Variants in ZBTB20 observed in about 807,000 individuals in gnomAD.
ZBTB20 encodes zinc finger and BTB domain containing 20, also known as zinc finger and BTB domain-containing protein 20.
Under a neutral mutation model 56.9 loss-of-function variants are expected in ZBTB20, and 9 were observed. That is an observed-to-expected ratio of 0.16 (90% CI 0.10 to 0.28). The LOEUF (loss-of-function observed/expected upper bound fraction) is 0.28, where lower values mean the gene tolerates loss of function less well. Ranked by LOEUF, ZBTB20 falls within the 10% of genes least tolerant of loss-of-function variation. ZBTB20 has a pLI of 1.00. For synonymous variants in ZBTB20, 417 were observed against 420.7 expected, an observed-to-expected ratio of 0.99 and a Z score of 0.11; for missense variants, 655 against 1,003.0, an observed-to-expected ratio of 0.65 and a Z score of 4.69.
chr3:114,588,200 C>T (rs2055379443), intron 6 of ZBTB20, among the ~76,000 whole-genome samples: 1 of 152,196 alleles, frequency 6.6e-6, no homozygotes, highest in Non-Finnish European at 1.5e-5. Context: ...CTGAAACAGT[C>T]TCAACTTCAA....
chr3:114,675,347 G>GTTTTTTTTTTTTTTTT (rs2061571920), intron 6 of ZBTB20, among the ~76,000 whole-genome samples: 1 of 110,148 alleles, frequency 9.1e-6, no homozygotes, highest in Non-Finnish European at 1.7e-5. Flanking sequence ...GCTGGGCCGG[G>GTTTTTTTTTTTTTTTT]GGTGGGGAGG....
At chr3:115,096,777 T>A (rs1560569589) in intron 1 of ZBTB20, among the ~76,000 whole-genome samples, 1 of 152,248 alleles carries the variant, frequency 6.6e-6, no homozygotes, top group Non-Finnish European at 1.5e-5. Context: ...TCTATATTTA[T>A]AGAAAGCCAG....
Position 114,841,617 on chromosome 3 carries a change from G to A in ZBTB20, c.-416-40443C>T, listed in dbSNP as rs1184324007. 2.0e-5 allele frequency among the ~76,000 whole-genome samples: 3 copies of A among 152,180 alleles called. No individual in the cohort carries two copies. The East Asian group carries it at 5.8e-4, about 29-fold the overall frequency. ...AAAAGTACCAGGTGATTGACTGCAT[G>A]TGGAACAGTACAGGATATGGAAAAG... On this transcript the variant is annotated intron_variant, in intron 4 of 11. Coordinates refer to ENST00000675478, the MANE Select transcript of ZBTB20 (RefSeq NM_001348800.3).
At chr3:115,005,901 G>A (rs962590384) in intron 2 of ZBTB20, among the ~76,000 whole-genome samples, 3 of 151,768 alleles carry the variant, frequency 2.0e-5, no homozygotes, top group Non-Finnish European at 4.4e-5. Flanking sequence ...TATGAGGTCT[G>A]TCTCTCCATT....
At chr3:114,782,626 A>G (rs2108778163) in intron 5 of ZBTB20, among the ~76,000 whole-genome samples, 1 of 152,318 alleles carries the variant, frequency 6.6e-6, no homozygotes, top group Non-Finnish European at 1.5e-5. Context: ...TGCCTAATAA[A>G]CCATGGAAAA....
At position 114,331,823 on chromosome 3, in the gene ZBTB20, G is replaced by A. The variant is rs1056041863; in HGVS notation, c.*7182C>T. On this transcript the variant is annotated 3_prime_UTR_variant, in exon 12 of 12. Transcript: ENST00000675478. The stretch of plus-strand genomic sequence containing the variant: ...GACTTCTAACCAGAAGTTCAAAAAT[G>A]TATCTTGTTGTCACTGGGCAATATG... 1 of 152,186 alleles carries A rather than the reference G, an allele frequency of 6.6e-6. No individual in the cohort carries two copies. Among genetic ancestry groups the A allele is most frequent in the Non-Finnish European group, 1.5e-5 (1 of 68,042 alleles). The allele number at this position is 152,186 out of a possible 1,614,324, so 9.4% of individuals were successfully genotyped here.
chr3:114,891,391 T>C (rs910920978), intron 4 of ZBTB20, among the ~76,000 whole-genome samples: 1 of 152,202 alleles, frequency 6.6e-6, no homozygotes, highest in Non-Finnish European at 1.5e-5. Flanking sequence ...CTGTATCATG[T>C]CTCCTCAAGT....
intron 1 of ZBTB20, among the ~76,000 whole-genome samples, chr3:115,077,102 C>T (rs1381668607): frequency 3.3e-5 from 5 of 151,924 alleles, no homozygotes; most frequent in Admixed American, 6.6e-5. Context: ...CAGCCTGGGG[C>T]GTGGCGAGCA....
chr3:115,024,335 G>A (rs527540337), intron 2 of ZBTB20, among the ~76,000 whole-genome samples: 42 of 151,098 alleles, frequency 2.8e-4, no homozygotes, highest in African/African-American at 8.9e-4. Context: ...CAACCTAGGT[G>A]GAGAGGGAGA....
intron 7 of ZBTB20, among the ~76,000 whole-genome samples, chr3:114,463,551 T>A (rs1055862144): frequency 1.1e-4 from 16 of 152,188 alleles, no homozygotes; most frequent in African/African-American, 3.9e-4. Flanking sequence ...TAAGAACAAA[T>A]TCAGTACTAT....
chr3:114,973,840 G>A (rs1027998125), intron 3 of ZBTB20, among the ~76,000 whole-genome samples: 40 of 152,054 alleles, frequency 2.6e-4, no homozygotes, highest in Non-Finnish European at 8.8e-5. Context: ...GCAGCCACAC[G>A]AGTCTATTGT....
At position 114,316,135 on chromosome 3, in the gene ZBTB20, T is replaced by C. The variant is rs548837598; in HGVS notation, c.*22870A>G. The C allele has an allele frequency of 7.8e-5, 20 of 256,746 alleles. No individual in the cohort carries two copies. Among genetic ancestry groups the C allele is most frequent in the East Asian group, 3.4e-4 (2 of 5,890 alleles). The allele number at this position is 256,746 out of a possible 1,614,324, so 15.9% of individuals were successfully genotyped here. ...GTGGGTGACGAGTTTAAAAATGTTT[T>C]TCATAGCCAGAAACTGAAATCAAAT... is the stretch of plus-strand genomic sequence containing the variant. On this transcript the variant is annotated 3_prime_UTR_variant, in exon 12 of 12. Transcript: ENST00000675478.
chr3:115,105,648 C>T (rs2083698732), intron 1 of ZBTB20, among the ~76,000 whole-genome samples: 1 of 152,148 alleles, frequency 6.6e-6, no homozygotes, highest in Non-Finnish European at 1.5e-5. Flanking sequence ...CATACTCTAT[C>T]ATGCATTCTT....
Position 114,770,118 on chromosome 3 carries a change from C to A in ZBTB20, c.-343+30983G>T, listed in dbSNP as rs556265733. On this transcript the variant is annotated intron_variant, in intron 5 of 11. Coordinates refer to ENST00000675478, the MANE Select transcript of ZBTB20 (RefSeq NM_001348800.3). Reference sequence around the variant, plus strand: ...CTTGGAGGAAAGAGTGGGAAAGGGGCGAGGGATAGAAGACTGCAAATATGG... The same window carrying A: ...CTTGGAGGAAAGAGTGGGAAAGGGGAGAGGGATAGAAGACTGCAAATATGG... Among the ~76,000 whole-genome samples the A allele has an allele frequency of 4.6e-5, 7 of 150,942 alleles. No homozygotes were observed. In the East Asian group the frequency reaches 1.4e-3, roughly 30 times the overall value.
At chr3:114,836,294 G>C (rs116680082) in intron 4 of ZBTB20, among the ~76,000 whole-genome samples, 6,775 of 152,170 alleles carry the variant, frequency 0.045, 165 homozygotes, top group Middle Eastern at 0.11. Context: ...TGAAAAGTGG[G>C]AGTCAGTATA....
At chr3:114,452,918 AAAAAG>A (rs1256337143) in intron 7 of ZBTB20, among the ~76,000 whole-genome samples, 1 of 151,176 alleles carries the variant, frequency 6.6e-6, no homozygotes, top group Non-Finnish European at 1.5e-5. Context: ...AATGTACCTT[AAAAAG>A]ATTTCTAAGT....
At chr3:114,986,188 G>T (rs2078532873) in intron 2 of ZBTB20, among the ~76,000 whole-genome samples, 1 of 152,010 alleles carries the variant, frequency 6.6e-6, no homozygotes. Context: ...AAAGATTACG[G>T]GAAAACTGAA....
chr3:114,559,389 A>C (rs2051697676), intron 6 of ZBTB20, among the ~76,000 whole-genome samples: 1 of 152,198 alleles, frequency 6.6e-6, no homozygotes, highest in African/African-American at 2.4e-5. Context: ...TCATATGGTA[A>C]ATACGTATTG....
chr3:114,438,434 ACC>A (rs1297255225), intron 7 of ZBTB20, among the ~76,000 whole-genome samples: 11 of 127,542 alleles, frequency 8.6e-5, no homozygotes, highest in Admixed American at 8.7e-5. Flanking sequence ...AACAAAAAAA[ACC>A]AAAAAAAAAC....
Sources: gnomAD v4.1 joint callset for allele counts (sites outside exome capture counted in the v4.1 genomes callset) on GRCh38, gnomAD v4.1.1 for gene constraint, MANE v1.5 for transcripts, NCBI Gene and HGNC (gene_info 2026-07-23, HGNC 2026-07-21) for gene names.